PIK3C3: variants seen among roughly 807,000 people sequenced by gnomAD.
PIK3C3 encodes the protein phosphatidylinositol 3-kinase catalytic subunit type 3, also known as PI3-kinase type 3.
A neutral mutation model predicts 126.1 loss-of-function variants in PIK3C3; 95 were observed. That is an observed-to-expected ratio of 0.75 (90% CI 0.64 to 0.89). The LOEUF (loss-of-function observed/expected upper bound fraction) is 0.89, where lower values mean the gene tolerates loss of function less well. PIK3C3 is among the 40% of genes least tolerant of loss of function. The pLI, the probability that PIK3C3 is intolerant of heterozygous loss-of-function variation, is 0.00. For synonymous variants in PIK3C3, 374 were observed against 360.0 expected (o/e 1.04, Z -0.44); for missense variants, 829 against 1,063.2 (o/e 0.78, Z 3.06).
At chr18:42,046,506 GT>G (rs1327066223) in intron 20 of PIK3C3, among the ~76,000 whole-genome samples, 1 of 151,908 alleles carries the variant, frequency 6.6e-6, no homozygotes, top group Non-Finnish European at 1.5e-5. Flanking sequence ...TTAAGTCAAA[GT>G]TTTTTTATAA....
intron 9 of PIK3C3, among the ~76,000 whole-genome samples, chr18:42,003,340 CAAA>C (rs1303780153): frequency 3.3e-5 from 5 of 152,116 alleles, no homozygotes; most frequent in East Asian, 1.9e-4. Context: ...CAGAGGAAGA[CAAA>C]GAAGAAGAAA....
intron 24 of PIK3C3, among the ~76,000 whole-genome samples, chr18:42,080,041 A>G (rs1055668597): frequency 2.0e-5 from 3 of 150,150 alleles, no homozygotes; most frequent in Non-Finnish European, 4.4e-5. Context: ...GATTCTGTCT[A>G]TATTAATTTG....
chr18:42,054,965 C>T (rs1984996219), intron 21 of PIK3C3, among the ~76,000 whole-genome samples: 1 of 151,604 alleles, frequency 6.6e-6, no homozygotes, highest in Non-Finnish European at 1.5e-5. Flanking sequence ...CTTATTTGGA[C>T]TCATACTATT....
chr18:41,966,460 A>G lies in PIK3C3; in HGVS notation c.401+3828A>G, dbSNP rs188323300. Among the ~76,000 whole-genome samples the G allele has an allele frequency of 6.6e-3, 1,000 of 152,148 alleles. 3 individuals carry two copies. Among genetic ancestry groups the G allele is most frequent in the Non-Finnish European group, 0.01 (688 of 67,988 alleles). On this transcript the variant is annotated intron_variant, in intron 3 of 24. Transcript: ENST00000262039. The stretch of plus-strand genomic sequence containing the variant: ...GTTGGGATTACAGGTATGAGCCACT[A>G]TGCCTGGCCTATTGTTCTTTACTTG...
intron 13 of PIK3C3, chr18:42,026,691 C>A (rs936735233): frequency 1.3e-5 from 2 of 152,136 alleles, no homozygotes; most frequent in African/African-American, 4.8e-5. Context: ...CCTTCCTAGG[C>A]CTCCCAAAAC....
rs1298800543 is a variant in PIK3C3 at position 42,083,784 on chromosome 18, C to T, written c.*2647C>T. 2 of 152,160 alleles carry T rather than the reference C, an allele frequency of 1.3e-5. No homozygotes were observed. Among genetic ancestry groups the T allele is most frequent in the African/African-American group, 4.8e-5 (2 of 41,432 alleles). 9.4% of individuals were successfully genotyped at this position (152,160 alleles called of 1,614,324 possible). A position where few individuals can be genotyped will look rare whatever the true frequency, so the allele number is the denominator to read the frequency against. On this transcript the variant is annotated 3_prime_UTR_variant, in exon 25 of 25. Transcript: ENST00000262039. The stretch of plus-strand genomic sequence containing the variant: ...ATTGAATCATCTGCCCAAGGATAAG[C>T]TGCTGGTGAGAGCAGAGTTGGGATT...
Position 41,962,481 on chromosome 18 carries a change from T to C in PIK3C3, c.258-8T>C. ...TATTTCTGATTTATGTTAACTTCAT[T>C]TCCATAGCTGGAATGAATGGCTGAA... is the stretch of plus-strand genomic sequence containing the variant. On this transcript the variant is annotated splice_polypyrimidine_tract_variant and splice_region_variant and intron_variant, in intron 2 of 24. Coordinates refer to ENST00000262039, the MANE Select transcript of PIK3C3 (RefSeq NM_002647.4). 6.2e-7 allele frequency: 1 copy of C among 1,600,308 alleles called. No individual in the cohort carries two copies. The highest frequency in any genetic ancestry group is 8.5e-7 in the Non-Finnish European group (1 of 1,173,244).
chr18:42,084,974 A>G lies in PIK3C3; in HGVS notation c.*3837A>G, dbSNP rs900222138. Reference sequence around the variant, plus strand: ...GCCAGGGCTGGGAAGGCATAAGAACAGAAGATAAATTTGAGGCTCTGTTAC... The same window carrying G: ...GCCAGGGCTGGGAAGGCATAAGAACGGAAGATAAATTTGAGGCTCTGTTAC... On this transcript the variant is annotated 3_prime_UTR_variant, in exon 25 of 25. Coordinates refer to ENST00000262039, the MANE Select transcript of PIK3C3 (RefSeq NM_002647.4). 2 of 152,292 alleles carry G rather than the reference A, an allele frequency of 1.3e-5. No individual in the cohort carries two copies. The highest frequency in any genetic ancestry group is 2.9e-5 in the Non-Finnish European group (2 of 68,080). 9.4% of individuals were successfully genotyped at this position (152,292 alleles called of 1,614,324 possible).
At chr18:41,998,863 A>T (rs1274921646) in intron 9 of PIK3C3, among the ~76,000 whole-genome samples, 1 of 152,074 alleles carries the variant, frequency 6.6e-6, no homozygotes, top group African/African-American at 2.4e-5. Context: ...ATACTCTCAT[A>T]CTCCACCCAT....
At chr18:41,979,874 C>CATT (rs60161824) in intron 4 of PIK3C3, among the ~76,000 whole-genome samples, 1,766 of 132,758 alleles carry the variant, frequency 0.013, 21 homozygotes, top group East Asian at 0.022. Flanking sequence ...GGAATCATGC[C>CATT]ATTATTATTA....
intron 9 of PIK3C3, among the ~76,000 whole-genome samples, chr18:41,997,823 G>A (rs574658310): frequency 6.6e-6 from 1 of 152,126 alleles, no homozygotes; most frequent in Non-Finnish European, 1.5e-5. Context: ...CGAATTAGAA[G>A]AAAAGAAAGT....
chr18:42,083,738 A>C lies in PIK3C3; in HGVS notation c.*2601A>C, dbSNP rs1986328737. On this transcript the variant is annotated 3_prime_UTR_variant, in exon 25 of 25. Transcript: ENST00000262039. ...GAATTGTCTCCTCATTTTTTAGTTG[A>C]AATAACTGAAGTTTAAAGCAATTGA... is the stretch of plus-strand genomic sequence containing the variant. The C allele has an allele frequency of 6.6e-6, 1 of 152,166 alleles. No homozygotes were observed. Among genetic ancestry groups the C allele is most frequent in the Non-Finnish European group, 1.5e-5 (1 of 68,042 alleles). 9.4% of individuals were successfully genotyped at this position (152,166 alleles called of 1,614,324 possible).
intron 10 of PIK3C3, among the ~76,000 whole-genome samples, chr18:42,011,006 A>G (rs1392452965): frequency 6.6e-6 from 1 of 152,232 alleles, no homozygotes; most frequent in African/African-American, 2.4e-5. Flanking sequence ...ATTGTCTATG[A>G]GCAGTAATAT....
At position 42,036,836 on chromosome 18, in the gene PIK3C3, C is replaced by T. The variant is rs117021731; in HGVS notation, c.1840-856C>T. ...ATTGAGCATCTCTAATCCAAAAATC[C>T]AAAATCTAAAATGCTCCAAAATCTG... On this transcript the variant is annotated intron_variant, in intron 16 of 24. Transcript: ENST00000262039. 6.6e-5 allele frequency among the ~76,000 whole-genome samples: 10 copies of T among 152,110 alleles called. No homozygotes were observed. In the East Asian group the frequency reaches 1.7e-3, roughly 26 times the overall value.
At chr18:41,974,744 A>C (rs1166829744) in intron 4 of PIK3C3, among the ~76,000 whole-genome samples, 1 of 152,038 alleles carries the variant, frequency 6.6e-6, no homozygotes, top group Non-Finnish European at 1.5e-5. Context: ...AAATTTACCC[A>C]TTGTTCCCAT....
intron 7 of PIK3C3, 149 bp from the exon 8 acceptor site, chr18:41,995,741 T>C (rs1981994075): frequency 3.2e-6 from 2 of 621,112 alleles, no homozygotes; most frequent in East Asian, 2.7e-5. Flanking sequence ...ATACATATTT[T>C]TAAGATATGT....
intron 4 of PIK3C3, among the ~76,000 whole-genome samples, chr18:41,987,064 A>G (rs903286595): frequency 3.9e-5 from 6 of 152,160 alleles, no homozygotes; most frequent in East Asian, 3.9e-4. Context: ...CTACTATGTA[A>G]AGCTTTGATG....
intron 20 of PIK3C3, among the ~76,000 whole-genome samples, chr18:42,046,638 A>G (rs1244591958): frequency 7.9e-5 from 12 of 152,106 alleles, no homozygotes; most frequent in Admixed American, 1.3e-4. Flanking sequence ...AATAACATCA[A>G]TTTCCCTAAA....
chr18:41,994,667 AAAT>A (rs1598878322), intron 7 of PIK3C3, among the ~76,000 whole-genome samples: 1 of 152,288 alleles, frequency 6.6e-6, no homozygotes, highest in Admixed American at 6.5e-5. Context: ...ATTTGGAAAA[AAAT>A]AATAAAATTA....
Sources: allele counts gnomAD v4.1 joint callset (sites outside exome capture counted in the v4.1 genomes callset), GRCh38; gene constraint gnomAD v4.1.1; transcripts MANE v1.5; gene names NCBI Gene and HGNC (gene_info 2026-07-23, HGNC 2026-07-21).